Variants in IFT88 observed in about 807,000 individuals in gnomAD.
IFT88 encodes the protein intraflagellar transport protein 88 homolog.
A neutral mutation model predicts 119.5 loss-of-function variants in IFT88; 74 were observed. The ratio of observed to expected loss-of-function variants is 0.62; its 90% CI spans 0.51 to 0.75. The LOEUF (loss-of-function observed/expected upper bound fraction) is 0.75, where lower values mean the gene tolerates loss of function less well. Among genes scored for constraint, IFT88 ranks in the 30% least tolerant of loss-of-function variants. The pLI is 0.00. For synonymous variants in IFT88, 279 were observed against 316.7 expected (o/e 0.88, Z 1.26); for missense variants, 961 against 977.7 (o/e 0.98, Z 0.23).
chr13:20,602,043 T>G, intron 12 of IFT88, 110 bp downstream of exon 12: 1 of 640,536 alleles, frequency 1.6e-6, no homozygotes. Context: ...CCCAGGCCTG[T>G]ATCAATGTGT....
intron 16 of IFT88, among the ~76,000 whole-genome samples, chr13:20,636,681 C>T (rs1159865579): frequency 6.6e-6 from 1 of 152,280 alleles, no homozygotes; most frequent in Non-Finnish European, 1.5e-5. Flanking sequence ...TCATGCTTCA[C>T]CATCTCTCCA....
chr13:20,655,456 A>G (rs370355069), intron 21 of IFT88, among the ~76,000 whole-genome samples: 2 of 94,854 alleles, frequency 2.1e-5, no homozygotes, highest in Admixed American at 9.6e-5. Flanking sequence ...AAAAAAAAAC[A>G]AAAAAAACCA....
chr13:20,686,081 C>CGGG, intron 24 of IFT88, among the ~76,000 whole-genome samples: 1 of 152,306 alleles, frequency 6.6e-6, no homozygotes, highest in South Asian at 2.1e-4. Flanking sequence ...CAGGCCCCTT[C>CGGG]TTCCCCACTG....
intron 2 of IFT88, among the ~76,000 whole-genome samples, chr13:20,578,235 GAC>G (rs2037837046): frequency 6.6e-6 from 1 of 150,826 alleles, no homozygotes; most frequent in Non-Finnish European, 1.5e-5. Context: ...TTTTAGTAGA[GAC>G]AGAGTTTCAC....
At chr13:20,642,242 T>C (rs916068508) in intron 18 of IFT88, 13 of 152,206 alleles carry the variant, frequency 8.5e-5, no homozygotes, top group African/African-American at 2.9e-4. Context: ...TTTTATATGT[T>C]GTGAGGTGTA....
intron 14 of IFT88, among the ~76,000 whole-genome samples, chr13:20,621,558 GAC>G (rs2046512028): frequency 9.9e-6 from 1 of 101,470 alleles, no homozygotes. Context: ...AAAAAAAAAA[GAC>G]TTTTTTAAAA....
At chr13:20,614,124 T>C (rs1478918155) in intron 13 of IFT88, among the ~76,000 whole-genome samples, 3 of 152,212 alleles carry the variant, frequency 2.0e-5, no homozygotes, top group African/African-American at 7.2e-5. Flanking sequence ...CCTATAAAGC[T>C]GTTTTTTAAA....
At chr13:20,684,425 C>G (rs989714600) in intron 24 of IFT88, among the ~76,000 whole-genome samples, 1 of 152,194 alleles carries the variant, frequency 6.6e-6, no homozygotes, top group Non-Finnish European at 1.5e-5. Flanking sequence ...GTCATCTCTT[C>G]TGTTAGTTAC....
intron 22 of IFT88, among the ~76,000 whole-genome samples, chr13:20,658,008 A>G (rs142124921): frequency 1.1e-4 from 17 of 152,072 alleles, no homozygotes; most frequent in Admixed American, 2.6e-4. Flanking sequence ...GTGTTCTCCA[A>G]TGCTGATTAG....
At chr13:20,690,362 T>A (rs2058359297) in intron 24 of IFT88, among the ~76,000 whole-genome samples, 1 of 152,200 alleles carries the variant, frequency 6.6e-6, no homozygotes, top group African/African-American at 2.4e-5. Context: ...ACATATTACA[T>A]TTTTTCCTAA....
At chr13:20,591,281 G>A (rs929664304) in intron 5 of IFT88, among the ~76,000 whole-genome samples, 3 of 152,124 alleles carry the variant, frequency 2.0e-5, no homozygotes, top group African/African-American at 7.2e-5. Flanking sequence ...CTTATATGAT[G>A]TATTCTGGGG....
chr13:20,684,842 G>C (rs922560932), intron 24 of IFT88, among the ~76,000 whole-genome samples: 1 of 152,202 alleles, frequency 6.6e-6, no homozygotes, highest in Non-Finnish European at 1.5e-5. Flanking sequence ...GTAGTTCCAC[G>C]TTCTCCAACT....
At chr13:20,609,327 A>G (rs1480256058) in intron 13 of IFT88, among the ~76,000 whole-genome samples, 3 of 152,200 alleles carry the variant, frequency 2.0e-5, no homozygotes, top group Admixed American at 2.0e-4. Flanking sequence ...GTTTTGCATA[A>G]TAGACAAGAC....
chr13:20,627,875 C>T (rs370705439), intron 15 of IFT88, among the ~76,000 whole-genome samples: 1 of 151,876 alleles, frequency 6.6e-6, no homozygotes, highest in Admixed American at 6.6e-5. Flanking sequence ...TTTCCTAGCT[C>T]TTCTTGTTCA....
chr13:20,673,116 G>A, intron 24 of IFT88, among the ~76,000 whole-genome samples: 1 of 152,106 alleles, frequency 6.6e-6, no homozygotes, highest in Non-Finnish European at 1.5e-5. Flanking sequence ...TAAAATTCTA[G>A]GGCCGGATTC....
intron 24 of IFT88, among the ~76,000 whole-genome samples, chr13:20,685,956 A>G (rs1051426921): frequency 1.3e-5 from 2 of 152,258 alleles, no homozygotes; most frequent in Non-Finnish European, 2.9e-5. Context: ...TTGTACACAC[A>G]TATTGATCAC....
intron 2 of IFT88, among the ~76,000 whole-genome samples, chr13:20,576,231 T>A (rs929353322): frequency 2.6e-5 from 4 of 152,178 alleles, no homozygotes; most frequent in African/African-American, 9.6e-5. Flanking sequence ...GATTTTTTCC[T>A]ACAGAGTTGT....
At chr13:20,607,642 C>G in intron 13 of IFT88, 1 of 876,842 alleles carries the variant, frequency 1.1e-6, no homozygotes, top group South Asian at 1.3e-5. Context: ...TGATCCCCAC[C>G]TGGGTTCTGG....
At chr13:20,687,769 GA>G (rs1289996202) in intron 24 of IFT88, among the ~76,000 whole-genome samples, 2 of 152,160 alleles carry the variant, frequency 1.3e-5, no homozygotes, top group East Asian at 1.9e-4. Context: ...AAAATAAAAT[GA>G]AAAAAACTTC....
Sources: allele counts gnomAD v4.1 joint callset (sites outside exome capture counted in the v4.1 genomes callset), GRCh38; gene constraint gnomAD v4.1.1; transcripts MANE v1.5; gene names NCBI Gene and HGNC (gene_info 2026-07-23, HGNC 2026-07-21).